CEP43: variants seen among roughly 807,000 people sequenced by gnomAD.
CEP43 encodes FGFR1 oncogene partner.
Under a neutral mutation model 52.6 loss-of-function variants are expected in CEP43, and 36 were observed. The ratio of observed to expected loss-of-function variants is 0.68; its 90% CI spans 0.52 to 0.90. The LOEUF (loss-of-function observed/expected upper bound fraction) is 0.90, where lower values mean the gene tolerates loss of function less well. Ranked by LOEUF, CEP43 falls within the 40% of genes least tolerant of loss-of-function variation. The probability of loss-of-function intolerance (pLI) is 0.00; values close to 1 mark genes in which losing one functional copy is unlikely to be tolerated. For missense variants in CEP43, 506 were observed against 472.8 expected (o/e 1.07, Z -0.65); for synonymous variants, 192 against 172.4 (o/e 1.11, Z -0.89).
rs1283755404 is a variant in CEP43, at chr6:167,040,039, T to TG, written c.*61_*62insG. On this transcript the variant is annotated 3_prime_UTR_variant, in exon 13 of 13. Transcript: ENST00000366847. ...GAGGACTGACCGGTTCCATTTTTTTTTTTTCCAGACAATCACTCAGCTGGA... is the reference window on the plus strand; with the variant it reads ...GAGGACTGACCGGTTCCATTTTTTTTGTTTTCCAGACAATCACTCAGCTGGA... The TG allele has an allele frequency of 2.5e-6, 4 of 1,612,720 alleles. No individual in the cohort carries two copies. In the African/African-American group the frequency reaches 5.4e-5, roughly 22 times the overall value.
chr6:167,023,010 C>T (rs112943076), intron 8 of CEP43, among the ~76,000 whole-genome samples: 3,819 of 152,128 alleles, frequency 0.025, 171 homozygotes, highest in African/African-American at 0.088. Flanking sequence ...GATGGGAGCC[C>T]GAGTGTGTGG....
At chr6:167,032,563 C>A in intron 10 of CEP43, 40 bp from the exon 11 acceptor site, 1 of 1,484,764 alleles carries the variant, frequency 6.7e-7, no homozygotes, top group Non-Finnish European at 9.0e-7. Flanking sequence ...TAAATTGTGA[C>A]GCACATTAGA....
At chr6:167,011,669 C>G (rs1779989000) in intron 6 of CEP43, 1 of 153,500 alleles carries the variant, frequency 6.5e-6, no homozygotes, top group African/African-American at 2.4e-5. Context: ...TTACAAACAA[C>G]ACATTTTTCC....
intron 10 of CEP43, chr6:167,028,343 T>C: frequency 1.0e-6 from 1 of 985,050 alleles, no homozygotes. Context: ...GGCAGGAGGG[T>C]GGTGTGCTCC....
At chr6:167,005,803 T>C (rs73026212) in intron 5 of CEP43, among the ~76,000 whole-genome samples, 3,094 of 152,330 alleles carry the variant, frequency 0.02, 51 homozygotes, top group East Asian at 0.091. Flanking sequence ...TTTATTGGCT[T>C]TCCCCTCTCG....
At chr6:167,002,994 A>G (rs565288580) in intron 2 of CEP43, among the ~76,000 whole-genome samples, 199 bp from the exon 3 acceptor site, 39 of 152,378 alleles carry the variant, frequency 2.6e-4, no homozygotes, top group South Asian at 6.2e-4. Flanking sequence ...AAAAATTAAA[A>G]ATACAAATCT....
Position 167,013,583 on chromosome 6 carries a change from G to A in CEP43, c.579+16G>A. 1 of 1,612,102 alleles carries A rather than the reference G, an allele frequency of 6.2e-7. No individual in the cohort carries two copies. The highest frequency in any genetic ancestry group is 8.5e-7 in the Non-Finnish European group (1 of 1,178,328). On this transcript the variant is annotated intron_variant, in intron 7 of 12. Transcript: ENST00000366847. ...TGGTGACAAGGTAACATGCATGAGG[G>A]CAGAGGAGAAAAGCAGCCTGTGGGC...
Position 167,039,933 on chromosome 6 carries a change from A to ATCC in CEP43, c.1156_1158dup (p.Ser386dup). 6.2e-7 allele frequency: 1 copy of ATCC among 1,613,838 alleles called. No individual in the cohort carries two copies. The highest frequency in any genetic ancestry group is 8.5e-7 in the Non-Finnish European group (1 of 1,179,732). ...ATGACCTCACACAAGATCTGACTGT[A>ATCC]TCCCAGCTCAGTGATGTTGCGGATT... On this transcript the variant is annotated inframe_insertion, in exon 13 of 13. Coordinates refer to ENST00000366847, the MANE Select transcript of CEP43 (RefSeq NM_007045.4).
intron 7 of CEP43, among the ~76,000 whole-genome samples, chr6:167,016,979 A>G (rs202130958): frequency 6.7e-6 from 1 of 148,624 alleles, no homozygotes; most frequent in African/African-American, 2.5e-5. Flanking sequence ...AATTTTATTT[A>G]TTATTTATTT....
chr6:167,041,289 G>A lies in CEP43; in HGVS notation c.*1311G>A. The A allele has an allele frequency of 9.5e-7, 1 of 1,051,246 alleles. No individual in the cohort carries two copies. The highest frequency in any genetic ancestry group is 1.1e-6 in the Non-Finnish European group (1 of 870,448). 65.1% of individuals were successfully genotyped at this position (1,051,246 alleles called of 1,614,324 possible). ...AATGTAGAGGAAATGAAAATGTAAG[G>A]ATTAAGGCTGTGTAACAGAATCTGG... is the stretch of plus-strand genomic sequence containing the variant. On this transcript the variant is annotated 3_prime_UTR_variant, in exon 13 of 13. Coordinates refer to ENST00000366847, the MANE Select transcript of CEP43 (RefSeq NM_007045.4).
At chr6:167,003,313 G>T in intron 3 of CEP43, 66 bp downstream of exon 3, 1 of 865,284 alleles carries the variant, frequency 1.2e-6, no homozygotes. Context: ...CCATTTGGGA[G>T]AAATCAGGAA....
chr6:167,001,730 G>A (rs979781870), intron 2 of CEP43, among the ~76,000 whole-genome samples: 3 of 152,170 alleles, frequency 2.0e-5, no homozygotes, highest in Admixed American at 2.0e-4. Flanking sequence ...GTGTCTGTCA[G>A]GTGTGTATCT....
At position 167,017,090 on chromosome 6, in the gene CEP43, G is replaced by T. The variant is rs376564634; in HGVS notation, c.579+3523G>T. 2.6e-5 allele frequency among the ~76,000 whole-genome samples: 4 copies of T among 151,654 alleles called. No individual in the cohort carries two copies. In the East Asian group the frequency reaches 5.8e-4, roughly 22 times the overall value. ...GGCTCACTGCAAGCTCCGCCTCCCG[G>T]GTTCACGGGAGGCTCCTGCCTCAGC... is the stretch of plus-strand genomic sequence containing the variant. On this transcript the variant is annotated intron_variant, in intron 7 of 12. Transcript: ENST00000366847.
intron 7 of CEP43, among the ~76,000 whole-genome samples, chr6:167,017,992 T>A (rs1780140692): frequency 6.6e-6 from 1 of 152,162 alleles, no homozygotes; most frequent in African/African-American, 2.4e-5. Flanking sequence ...TGTGTCACAG[T>A]TCTAGAGGCT....
intron 5 of CEP43, among the ~76,000 whole-genome samples, chr6:167,006,410 G>C (rs1779855246): frequency 6.6e-6 from 1 of 152,102 alleles, no homozygotes; most frequent in Non-Finnish European, 1.5e-5. Flanking sequence ...AGCTACTTGG[G>C]AGGCTGAGGC....
Position 167,004,271 on chromosome 6 carries a change from G to A in CEP43, c.308G>A (p.Gly103Asp). Reference protein sequence around the residue: ...VFQPETSTLQGLEGRENLARD... With the variant: ...VFQPETSTLQDLEGRENLARD... Reference sequence around the variant, plus strand: ...TTTTAACTTCTTTTCTAGCTGCAAGGTCTCGAAGGTCGAGAGAATTTAGCC... The same window carrying A: ...TTTTAACTTCTTTTCTAGCTGCAAGATCTCGAAGGTCGAGAGAATTTAGCC... The change falls in exon 5 of 13, where the codon GGT (glycine) becomes GAT (aspartate). Residue 103 changes from glycine (G) to aspartate (D), a missense_variant. Gly to Asp is a moderately conservative substitution (Grantham distance 94). Coordinates refer to ENST00000366847, the MANE Select transcript of CEP43 (RefSeq NM_007045.4). The A allele has an allele frequency of 6.2e-7, 1 of 1,600,444 alleles. No individual in the cohort carries two copies. The highest frequency in any genetic ancestry group is 1.1e-5 in the South Asian group (1 of 88,104).
chr6:167,016,692 T>C (rs990891118), intron 7 of CEP43, among the ~76,000 whole-genome samples: 2 of 152,202 alleles, frequency 1.3e-5, no homozygotes, highest in South Asian at 4.1e-4. Context: ...TACCATTCCC[T>C]GTCACACTCT....
At chr6:167,020,429 A>G (rs1165959442) in intron 7 of CEP43, among the ~76,000 whole-genome samples, 1 of 152,196 alleles carries the variant, frequency 6.6e-6, no homozygotes, top group Non-Finnish European at 1.5e-5. Flanking sequence ...AAGTGAAACC[A>G]TCCTTCAGGA....
Position 167,041,641 on chromosome 6 carries a change from C to T in CEP43, c.*1663C>T. ...TTAATATTTGATAGGAACTAGGTTT[C>T]AGTGAAATGATTTGAAAGCATAGCA... On this transcript the variant is annotated 3_prime_UTR_variant, in exon 13 of 13. Coordinates refer to ENST00000366847, the MANE Select transcript of CEP43 (RefSeq NM_007045.4). 9.6e-7 allele frequency: 1 copy of T among 1,043,988 alleles called. No individual in the cohort carries two copies. Among genetic ancestry groups the T allele is most frequent in the Non-Finnish European group, 1.2e-6 (1 of 865,780 alleles). The allele number at this position is 1,043,988 out of a possible 1,614,324, so 64.7% of individuals were successfully genotyped here.
Sources: gnomAD v4.1 joint callset for allele counts (sites outside exome capture counted in the v4.1 genomes callset) on GRCh38, gnomAD v4.1.1 for gene constraint, MANE v1.5 for transcripts, NCBI Gene and HGNC (gene_info 2026-07-23, HGNC 2026-07-21) for gene names.